CATSPERE: variants seen among roughly 807,000 people sequenced by gnomAD.
CATSPERE encodes the protein cation channel sperm-associated auxiliary subunit epsilon.
A neutral mutation model predicts 114.1 loss-of-function variants in CATSPERE; 93 were observed. The ratio of observed to expected loss-of-function variants is 0.81; its 90% confidence interval spans 0.69 to 0.97. The LOEUF (loss-of-function observed/expected upper bound fraction) is 0.97. Ranked by LOEUF, CATSPERE falls within the 50% of genes least tolerant of loss-of-function variation. The probability of loss-of-function intolerance (pLI) is 0.00; values close to 1 mark genes in which losing one functional copy is unlikely to be tolerated. For missense variants in CATSPERE, 1,058 were observed against 1,131.6 expected, an observed-to-expected ratio of 0.93 and a Z score of 0.93; for synonymous variants, 341 against 384.1, an observed-to-expected ratio of 0.89 and a Z score of 1.31.
intron 2 of CATSPERE, among the ~76,000 whole-genome samples, chr1:244,469,829 A>G (rs1164700023): frequency 1.3e-5 from 2 of 152,188 alleles, no homozygotes; most frequent in Non-Finnish European, 1.5e-5. Context: ...ACAAAGCTGC[A>G]GTAATTGAGA....
chr1:244,518,510 C>T (rs1459311100), intron 7 of CATSPERE, 82 bp from the exon 8 acceptor site: 2 of 877,118 alleles, frequency 2.3e-6, no homozygotes, highest in African/African-American at 3.5e-5. Context: ...ACGAAAATAA[C>T]AAATTCAATA....
chr1:244,489,595 C>T (rs977738991), intron 5 of CATSPERE, among the ~76,000 whole-genome samples: 6 of 149,884 alleles, frequency 4.0e-5, no homozygotes, highest in African/African-American at 7.4e-5. Context: ...AAGAGGAAGG[C>T]GGCATGGAAA....
At chr1:244,533,384 C>T (rs189591539) in intron 8 of CATSPERE, among the ~76,000 whole-genome samples, 55 of 152,090 alleles carry the variant, frequency 3.6e-4, no homozygotes, top group Middle Eastern at 3.4e-3. Flanking sequence ...TAAGGATGTA[C>T]TCCTGTGATT....
intron 10 of CATSPERE, among the ~76,000 whole-genome samples, chr1:244,569,480 A>G (rs918841021): frequency 6.6e-6 from 1 of 152,102 alleles, no homozygotes; most frequent in Admixed American, 6.5e-5. Context: ...TATCTCATGT[A>G]TTGCAAATAT....
chr1:244,589,641 A>C (rs1667463154), intron 14 of CATSPERE, among the ~76,000 whole-genome samples: 1 of 152,156 alleles, frequency 6.6e-6, no homozygotes, highest in Non-Finnish European at 1.5e-5. Context: ...AATTTCCAGG[A>C]GATTACAAGG....
At chr1:244,577,485 C>A (rs1266136101) in intron 11 of CATSPERE, among the ~76,000 whole-genome samples, 2 of 152,186 alleles carry the variant, frequency 1.3e-5, no homozygotes, top group African/African-American at 4.8e-5. Flanking sequence ...TGGCTTATAA[C>A]AACAGAAATT....
At chr1:244,565,726 G>A (rs1663347334) in intron 10 of CATSPERE, among the ~76,000 whole-genome samples, 1 of 151,490 alleles carries the variant, frequency 6.6e-6, no homozygotes, top group Admixed American at 6.6e-5. Context: ...TAGATTCATA[G>A]ATTTCATAGA....
intron 17 of CATSPERE, among the ~76,000 whole-genome samples, chr1:244,603,032 G>A (rs1431448344): frequency 6.6e-6 from 1 of 152,004 alleles, no homozygotes; most frequent in African/African-American, 2.4e-5. Context: ...GTTTGAAATT[G>A]GCTACTTTGA....
At chr1:244,580,930 G>A (rs547157388) in intron 11 of CATSPERE, among the ~76,000 whole-genome samples, 1 of 152,224 alleles carries the variant, frequency 6.6e-6, no homozygotes, top group African/African-American at 2.4e-5. Context: ...GAACCTGGGA[G>A]GTGGAGGTTG....
At chr1:244,639,505 C>A (rs1280374983) in intron 21 of CATSPERE, among the ~76,000 whole-genome samples, 2 of 152,196 alleles carry the variant, frequency 1.3e-5, no homozygotes, top group Non-Finnish European at 2.9e-5. Flanking sequence ...GCCTGGCCAA[C>A]ATGGTGAAAC....
intron 13 of CATSPERE, among the ~76,000 whole-genome samples, chr1:244,587,774 T>C (rs1667201405): frequency 6.6e-6 from 1 of 152,188 alleles, no homozygotes; most frequent in Non-Finnish European, 1.5e-5. Flanking sequence ...GAGAAATTAC[T>C]GGTCTACAAA....
intron 2 of CATSPERE, among the ~76,000 whole-genome samples, chr1:244,476,310 G>A (rs1381441771): frequency 6.6e-6 from 1 of 151,920 alleles, no homozygotes; most frequent in Non-Finnish European, 1.5e-5. Context: ...CTTTAGGAAT[G>A]TATATAGTTT....
At chr1:244,492,873 G>A (rs1261432219) in intron 6 of CATSPERE, among the ~76,000 whole-genome samples, 1 of 148,342 alleles carries the variant, frequency 6.7e-6, no homozygotes, top group Non-Finnish European at 1.5e-5. Flanking sequence ...AAATACCTAG[G>A]AATCCAACTT....
At chr1:244,478,634 G>A (rs1413099592) in intron 4 of CATSPERE, among the ~76,000 whole-genome samples, 1 of 152,210 alleles carries the variant, frequency 6.6e-6, no homozygotes, top group Non-Finnish European at 1.5e-5. Context: ...AGTAGACAGA[G>A]CGATGTGGGA....
intron 11 of CATSPERE, among the ~76,000 whole-genome samples, chr1:244,578,485 A>G (rs1665630562): frequency 6.6e-6 from 1 of 152,120 alleles, no homozygotes; most frequent in Admixed American, 6.5e-5. Context: ...AAGCTTAACT[A>G]CTAACAGCCT....
chr1:244,528,968 T>C (rs1558436949), intron 8 of CATSPERE, among the ~76,000 whole-genome samples: 1 of 152,222 alleles, frequency 6.6e-6, no homozygotes, highest in Non-Finnish European at 1.5e-5. Context: ...CTTAGCATAA[T>C]GGCCTCCAGT....
Position 244,479,785 on chromosome 1 carries a change from G to A in CATSPERE, c.326+1G>A. 6.4e-7 allele frequency: 1 copy of A among 1,556,170 alleles called. No individual in the cohort carries two copies. Among genetic ancestry groups the A allele is most frequent in the Non-Finnish European group, 8.8e-7 (1 of 1,134,374 alleles). On this transcript the variant is annotated splice_donor_variant, in intron 5 of 21. Coordinates refer to ENST00000366534, the MANE Select transcript of CATSPERE (RefSeq NM_001130957.2). LOFTEE classifies it high-confidence loss of function. ...GCTTTCTGTGGTACTATAGAGTTAG[G>A]TAAGTAATGCAGTACTGAATAGGTA...
intron 6 of CATSPERE, among the ~76,000 whole-genome samples, chr1:244,496,926 A>G (rs1327371201): frequency 2.0e-5 from 3 of 152,342 alleles, no homozygotes; most frequent in South Asian, 2.1e-4. Context: ...ACCAAAATAC[A>G]GTTAGGTCTT....
chr1:244,480,430 A>T (rs1189686705), intron 5 of CATSPERE, among the ~76,000 whole-genome samples: 1 of 152,170 alleles, frequency 6.6e-6, no homozygotes, highest in Non-Finnish European at 1.5e-5. Context: ...CCTGGAAAAT[A>T]CTTATTTCTT....
Sources: allele counts gnomAD v4.1 joint callset (sites outside exome capture counted in the v4.1 genomes callset), GRCh38; gene constraint gnomAD v4.1.1; transcripts MANE v1.5; gene names NCBI Gene and HGNC (gene_info 2026-07-23, HGNC 2026-07-21).